The following RYR2 variants were observed in gnomAD, a reference collection of about 807,000 sequenced individuals.
RYR2 encodes cardiac muscle ryanodine receptor-calcium release channel.
RYR2 carries 227 observed loss-of-function variants against 601.1 expected under a neutral mutation model. That is an observed-to-expected ratio of 0.38 (90% CI 0.34 to 0.42). The LOEUF (loss-of-function observed/expected upper bound fraction) is 0.42, where lower values mean the gene tolerates loss of function less well. Ranked by LOEUF, RYR2 falls within the 10% of genes least tolerant of loss-of-function variation. RYR2 has a pLI of 1.00. For synonymous variants in RYR2, 2,223 were observed against 2,175.1 expected (o/e 1.02, Z -0.61); for missense variants, 4,646 against 6,156.5 (o/e 0.75, Z 8.21).
At chr1:237,724,879 CTATTT>C (rs1215680146) in intron 74 of RYR2, among the ~76,000 whole-genome samples, 1 of 152,054 alleles carries the variant, frequency 6.6e-6, no homozygotes, top group Non-Finnish European at 1.5e-5. Flanking sequence ...GAAACTGATT[CTATTT>C]TATTATATTC....
intron 84 of RYR2, among the ~76,000 whole-genome samples, chr1:237,762,382 C>T (rs1330129754): frequency 2.0e-5 from 3 of 152,188 alleles, no homozygotes; most frequent in Non-Finnish European, 4.4e-5. Flanking sequence ...CTCCAAAGTC[C>T]TAAGCAATTT....
chr1:237,311,482 CTT>C (rs574868634), intron 2 of RYR2, among the ~76,000 whole-genome samples: 81 of 141,012 alleles, frequency 5.7e-4, no homozygotes, highest in African/African-American at 1.1e-3. Flanking sequence ...AGAAAAAATC[CTT>C]TTTTTTTTTT....
At chr1:237,266,437 A>G (rs1390943357) in intron 1 of RYR2, among the ~76,000 whole-genome samples, 1 of 152,168 alleles carries the variant, frequency 6.6e-6, no homozygotes, top group Non-Finnish European at 1.5e-5. Flanking sequence ...TGTATTACAT[A>G]TGGATAATCA....
Position 237,550,598 on chromosome 1 carries a change from C to A in RYR2, c.3121C>A (p.Arg1041=). 1.2e-6 allele frequency: 2 copies of A among 1,604,902 alleles called. No individual in the cohort carries two copies. Among genetic ancestry groups the A allele is most frequent in the East Asian group, 2.2e-5 (1 of 44,604 alleles). The change falls in exon 27 of 105, where the codon CGA becomes AGA. Residue 1041 remains arginine, a synonymous_variant. Transcript: ENST00000366574. The part of the protein sequence containing the change: ...RLVPYTLLDD[R]TKKSNKDSLR... ...TGTTCCCTACACTCTTCTGGATGACCGAACCAAGAAATCCAACAAGGACAG... is the reference window on the plus strand; with the variant it reads ...TGTTCCCTACACTCTTCTGGATGACAGAACCAAGAAATCCAACAAGGACAG...
chr1:237,045,827 C>T, intron 1 of RYR2, among the ~76,000 whole-genome samples: 2 of 128,498 alleles, frequency 1.6e-5, no homozygotes. Context: ...AGATATTCCT[C>T]TGACTTTAGG....
intron 2 of RYR2, among the ~76,000 whole-genome samples, chr1:237,280,302 A>G (rs1428344432): frequency 2.0e-5 from 3 of 152,184 alleles, no homozygotes. Flanking sequence ...TAAACAGCAG[A>G]TACTTGTTTC....
chr1:237,643,498 A>G (rs538638949), intron 48 of RYR2, 51 bp downstream of exon 48: 3 of 1,610,310 alleles, frequency 1.9e-6, no homozygotes, highest in African/African-American at 2.7e-5. Context: ...GGATGACATC[A>G]TGTTCTAAAG....
intron 102 of RYR2, 58 bp downstream of exon 102, chr1:237,828,503 A>G: frequency 1.8e-6 from 2 of 1,126,828 alleles, no homozygotes; most frequent in Non-Finnish European, 2.6e-6. Context: ...CGTTTTCCTC[A>G]CTACCTTTAT....
intron 1 of RYR2, among the ~76,000 whole-genome samples, chr1:237,235,072 A>G (rs76312231): frequency 0.012 from 1,856 of 152,252 alleles, 39 homozygotes; most frequent in African/African-American, 0.042. Context: ...CCTCTTCTCC[A>G]CACTTCTGAC....
chr1:237,755,110 A>G, intron 80 of RYR2: 1 of 1,287,780 alleles, frequency 7.8e-7, no homozygotes, highest in Non-Finnish European at 1.0e-6. Flanking sequence ...CTCGGCGAGA[A>G]CTCTCTGGTA....
At chr1:237,561,301 C>T (rs1395330152) in intron 27 of RYR2, among the ~76,000 whole-genome samples, 7 of 152,020 alleles carry the variant, frequency 4.6e-5, no homozygotes, top group Non-Finnish European at 4.4e-5. Flanking sequence ...TTACTATGTG[C>T]CAGGATATAA....
intron 2 of RYR2, among the ~76,000 whole-genome samples, chr1:237,321,310 T>C (rs537080557): frequency 6.6e-6 from 1 of 152,226 alleles, no homozygotes; most frequent in Non-Finnish European, 1.5e-5. Context: ...TTCATGCTAG[T>C]ACAATTCCTG....
intron 100 of RYR2, among the ~76,000 whole-genome samples, chr1:237,816,403 G>T (rs1165843937): frequency 2.0e-5 from 3 of 152,176 alleles, no homozygotes; most frequent in Non-Finnish European, 4.4e-5. Context: ...AAGCAATCCA[G>T]GCTAGGCACG....
intron 24 of RYR2, among the ~76,000 whole-genome samples, chr1:237,521,547 C>G (rs1385671563): frequency 1.1e-5 from 1 of 89,116 alleles, no homozygotes; most frequent in Non-Finnish European, 2.7e-5. Flanking sequence ...TGGTGAAACC[C>G]TGTCTCTACT....
intron 47 of RYR2, among the ~76,000 whole-genome samples, chr1:237,641,474 T>TTTCC (rs1681487920): frequency 5.8e-5 from 1 of 17,304 alleles, no homozygotes; most frequent in Non-Finnish European, 4.3e-4. Context: ...TCTGTCTGTC[T>TTTCC]TTCTTTCTTT....
intron 1 of RYR2, among the ~76,000 whole-genome samples, chr1:237,208,938 A>ATG (rs1558427504): frequency 4.0e-5 from 1 of 24,956 alleles, no homozygotes; most frequent in Non-Finnish European, 6.6e-5. Context: ...GTGTGTGTGT[A>ATG]TATATATATA....
At chr1:237,350,477 A>G (rs970678633) in intron 3 of RYR2, among the ~76,000 whole-genome samples, 1 of 146,820 alleles carries the variant, frequency 6.8e-6, no homozygotes, top group African/African-American at 2.5e-5. Context: ...AGGCTGAGGC[A>G]GGAGAATAGC....
At chr1:237,055,050 C>T (rs10754590) in intron 1 of RYR2, among the ~76,000 whole-genome samples, 35,036 of 152,120 alleles carry the variant, frequency 0.23, 4,441 homozygotes, top group Non-Finnish European at 0.28. Context: ...AGAAGTCCCA[C>T]CTCTGTCGGA....
At position 237,636,518 on chromosome 1, in the gene RYR2, T is replaced by C. The variant is rs1680887883; in HGVS notation, c.6792+1526T>C. On this transcript the variant is annotated intron_variant, in intron 44 of 104. Transcript: ENST00000366574. ...AAATGGCCAATACTAATGCAGTTGATAATACCAAATGCTGAGAAGGACAAG... is the reference window on the plus strand; with the variant it reads ...AAATGGCCAATACTAATGCAGTTGACAATACCAAATGCTGAGAAGGACAAG... Among the ~76,000 whole-genome samples, 5 of 152,234 alleles carry C rather than the reference T, an allele frequency of 3.3e-5. No homozygotes were observed. The South Asian group carries it at 8.3e-4, about 25-fold the overall frequency.
Sources: allele counts gnomAD v4.1 joint callset (sites outside exome capture counted in the v4.1 genomes callset), GRCh38; gene constraint gnomAD v4.1.1; transcripts MANE v1.5; gene names NCBI Gene and HGNC (gene_info 2026-07-23, HGNC 2026-07-21).